The following GMDS variants were observed in gnomAD, a reference collection of about 807,000 sequenced individuals.
The protein encoded by GMDS is GDP-mannose 4,6 dehydratase.
GMDS carries 20 observed loss-of-function variants against 49.9 expected under a neutral mutation model. The ratio of observed to expected loss-of-function variants is 0.40; its 90% confidence interval spans 0.28 to 0.58. The LOEUF (loss-of-function observed/expected upper bound fraction) is 0.58. GMDS is among the 20% of genes least tolerant of loss of function. GMDS has a pLI of 0.42. For missense variants in GMDS, 362 were observed against 481.4 expected, an observed-to-expected ratio of 0.75 and a Z score of 2.32; for synonymous variants, 177 against 178.6, an observed-to-expected ratio of 0.99 and a Z score of 0.07.
At chr6:1,906,447 A>G (rs1760779677) in intron 7 of GMDS, among the ~76,000 whole-genome samples, 1 of 152,238 alleles carries the variant, frequency 6.6e-6, no homozygotes, top group African/African-American at 2.4e-5. Flanking sequence ...GTCAAATTAG[A>G]TATTTGCACA....
At chr6:1,768,670 A>C (rs1454241808) in intron 7 of GMDS, among the ~76,000 whole-genome samples, 1 of 152,236 alleles carries the variant, frequency 6.6e-6, no homozygotes, top group Non-Finnish European at 1.5e-5. Flanking sequence ...TCATTGGAGC[A>C]TTTCTGTTTT....
intron 9 of GMDS, among the ~76,000 whole-genome samples, chr6:1,715,088 C>G (rs765303132): frequency 1.3e-5 from 2 of 152,114 alleles, no homozygotes; most frequent in Non-Finnish European, 2.9e-5. Context: ...GAGAGAACAT[C>G]AGCAGAAACA....
intron 9 of GMDS, chr6:1,679,645 G>A (rs1211548095): frequency 6.6e-6 from 1 of 152,242 alleles, no homozygotes; most frequent in Admixed American, 6.5e-5. Context: ...TACTCACGCA[G>A]GCCACCTCGA....
intron 7 of GMDS, among the ~76,000 whole-genome samples, chr6:1,750,016 A>G (rs1044947833): frequency 2.0e-5 from 3 of 152,112 alleles, no homozygotes; most frequent in African/African-American, 7.2e-5. Flanking sequence ...AATTTTTAGT[A>G]TACAAAAATA....
At chr6:2,160,965 G>C (rs1348887329) in intron 1 of GMDS, among the ~76,000 whole-genome samples, 1 of 152,066 alleles carries the variant, frequency 6.6e-6, no homozygotes, top group Non-Finnish European at 1.5e-5. Context: ...ATACCCTGAA[G>C]CTCTTTGAAA....
At chr6:2,197,297 G>A (rs1393182519) in intron 1 of GMDS, among the ~76,000 whole-genome samples, 1 of 152,124 alleles carries the variant, frequency 6.6e-6, no homozygotes, top group Non-Finnish European at 1.5e-5. Context: ...CACTGAGTGG[G>A]AAGGAGGCTC....
chr6:2,216,284 T>C (rs1257328418), intron 1 of GMDS, among the ~76,000 whole-genome samples: 1 of 152,258 alleles, frequency 6.6e-6, no homozygotes, highest in African/African-American at 2.4e-5. Flanking sequence ...TTCAGAAATA[T>C]GTACATAATG....
At chr6:1,721,403 T>C (rs897160147) in intron 9 of GMDS, among the ~76,000 whole-genome samples, 1 of 151,540 alleles carries the variant, frequency 6.6e-6, no homozygotes, top group Admixed American at 6.6e-5. Flanking sequence ...CAAAAACCAA[T>C]CACAACTGAG....
At chr6:1,885,346 C>T (rs1759551575) in intron 7 of GMDS, among the ~76,000 whole-genome samples, 1 of 152,186 alleles carries the variant, frequency 6.6e-6, no homozygotes, top group South Asian at 2.1e-4. Context: ...CTCCCCCTTA[C>T]TCTCTGGTTC....
At chr6:2,229,830 G>T (rs9405550) in intron 1 of GMDS, among the ~76,000 whole-genome samples, 16,784 of 152,076 alleles carry the variant, frequency 0.11, 1,022 homozygotes, top group Middle Eastern at 0.22. Flanking sequence ...GCATTATTTG[G>T]TTGCTCTACC....
intron 1 of GMDS, among the ~76,000 whole-genome samples, chr6:2,223,305 T>C (rs1349242910): frequency 6.6e-6 from 1 of 152,024 alleles, no homozygotes; most frequent in African/African-American, 2.4e-5. Flanking sequence ...AGGGGGCATG[T>C]GGTGCAAAGG....
At chr6:1,743,652 C>G (rs962639576) in intron 7 of GMDS, among the ~76,000 whole-genome samples, 1 of 151,984 alleles carries the variant, frequency 6.6e-6, no homozygotes, top group Non-Finnish European at 1.5e-5. Context: ...ACTGGTGGCA[C>G]CAGCGCAGCC....
At chr6:1,864,029 T>A (rs949031138) in intron 7 of GMDS, among the ~76,000 whole-genome samples, 21 of 152,332 alleles carry the variant, frequency 1.4e-4, no homozygotes, top group African/African-American at 5.0e-4. Flanking sequence ...GGGTGGGTCA[T>A]AACGTTTCAT....
chr6:1,741,621 G>A (rs1277044359), intron 8 of GMDS, among the ~76,000 whole-genome samples: 1 of 151,768 alleles, frequency 6.6e-6, no homozygotes, highest in African/African-American at 2.4e-5. Context: ...AGACTAGCCT[G>A]GTCAACACAA....
intron 1 of GMDS, among the ~76,000 whole-genome samples, chr6:2,228,847 G>A (rs1174902176): frequency 6.6e-6 from 1 of 152,160 alleles, no homozygotes; most frequent in Non-Finnish European, 1.5e-5. Context: ...TGGGATCCAG[G>A]TATGACATCT....
At chr6:1,939,185 GT>G in intron 6 of GMDS, among the ~76,000 whole-genome samples, 1 of 152,116 alleles carries the variant, frequency 6.6e-6, no homozygotes, top group East Asian at 1.9e-4. Context: ...AGTATCTGAA[GT>G]TTTGGGGGGA....
At chr6:1,758,309 C>T (rs780568914) in intron 7 of GMDS, among the ~76,000 whole-genome samples, 1 of 152,206 alleles carries the variant, frequency 6.6e-6, no homozygotes, top group Admixed American at 6.5e-5. Context: ...TCAGCGATGA[C>T]AACTGGGAGA....
At chr6:1,624,397 C>T (rs947533998) in intron 10 of GMDS, 75 bp downstream of exon 10, 8 of 1,413,926 alleles carry the variant, frequency 5.7e-6, no homozygotes, top group Middle Eastern at 2.1e-4. Context: ...GCGCCTCAGG[C>T]GCCCGACCCT....
chr6:1,647,423 C>T (rs563032364), intron 9 of GMDS, among the ~76,000 whole-genome samples: 1 of 152,230 alleles, frequency 6.6e-6, no homozygotes, highest in South Asian at 2.1e-4. Context: ...AAAAGAGTGT[C>T]CCCAGCAGGC....
Sources: gnomAD v4.1 joint callset for allele counts (sites outside exome capture counted in the v4.1 genomes callset) on GRCh38, gnomAD v4.1.1 for gene constraint, MANE v1.5 for transcripts, NCBI Gene and HGNC (gene_info 2026-07-23, HGNC 2026-07-21) for gene names.